The following NHSL1 variants were observed in gnomAD, a reference collection of about 807,000 sequenced individuals.
The protein encoded by NHSL1 is NHS like 1, also known as NHS-like protein 1.
A neutral mutation model predicts 95.0 loss-of-function variants in NHSL1; 48 were observed. That is an observed-to-expected ratio of 0.51 (90% confidence interval 0.40 to 0.64). NHSL1 has a LOEUF of 0.64. NHSL1 is among the 30% of genes least tolerant of loss of function. The probability of loss-of-function intolerance (pLI) is 0.00; values close to 1 mark genes in which losing one functional copy is unlikely to be tolerated. For synonymous variants in NHSL1, 783 were observed against 833.9 expected (o/e 0.94, Z 1.05); for missense variants, 1,971 against 2,077.7 (o/e 0.95, Z 1.00).
chr6:138,568,111 G>A (rs934408439), intron 1 of NHSL1, among the ~76,000 whole-genome samples: 5 of 152,160 alleles, frequency 3.3e-5, no homozygotes, highest in African/African-American at 1.2e-4. Context: ...AAAGCAGCAG[G>A]CACTCATTAA....
intron 1 of NHSL1, among the ~76,000 whole-genome samples, chr6:138,601,353 A>G (rs1350716428): frequency 6.6e-6 from 1 of 152,222 alleles, no homozygotes; most frequent in African/African-American, 2.4e-5. Context: ...ACTGCTGGCA[A>G]TCTGTTAGAA....
At chr6:138,448,024 T>C (rs1562280642) in intron 3 of NHSL1, among the ~76,000 whole-genome samples, 1 of 152,226 alleles carries the variant, frequency 6.6e-6, no homozygotes, top group Non-Finnish European at 1.5e-5. Context: ...GTGAAATTGT[T>C]AACTTATACG....
At chr6:138,455,293 A>G (rs1357743903) in intron 3 of NHSL1, among the ~76,000 whole-genome samples, 1 of 152,222 alleles carries the variant, frequency 6.6e-6, no homozygotes, top group East Asian at 1.9e-4. Context: ...GAGACCAAGT[A>G]GCACTTAAAA....
intron 1 of NHSL1, among the ~76,000 whole-genome samples, chr6:138,515,118 TCAC>T (rs1781405861): frequency 6.6e-6 from 1 of 152,064 alleles, no homozygotes; most frequent in African/African-American, 2.4e-5. Context: ...GTGAGAGAGT[TCAC>T]CACACTTCTC....
chr6:138,534,182 T>C (rs1353144345), intron 1 of NHSL1, among the ~76,000 whole-genome samples: 1 of 152,222 alleles, frequency 6.6e-6, no homozygotes, highest in African/African-American at 2.4e-5. Flanking sequence ...TTTGTTTTCA[T>C]AGAGAGTGAT....
chr6:138,464,243 G>A (rs536026826), intron 3 of NHSL1: 95 of 815,594 alleles, frequency 1.2e-4, no homozygotes, highest in East Asian at 7.1e-4. Context: ...CATCACGGCC[G>A]GCACCGTCCT....
At chr6:138,463,260 T>C (rs543247730) in intron 3 of NHSL1, among the ~76,000 whole-genome samples, 4 of 152,250 alleles carry the variant, frequency 2.6e-5, no homozygotes, top group Non-Finnish European at 5.9e-5. Context: ...CGTTAAATAA[T>C]CAATCAGATC....
chr6:138,625,593 A>C (rs1784726176), intron 1 of NHSL1, among the ~76,000 whole-genome samples: 1 of 151,602 alleles, frequency 6.6e-6, no homozygotes, highest in African/African-American at 2.4e-5. Context: ...GTATAGTGCC[A>C]TGAGTACAGT....
At chr6:138,673,030 G>GCTA (rs747768393) in intron 1 of NHSL1, among the ~76,000 whole-genome samples, 1,369 of 58,424 alleles carry the variant, frequency 0.023, 16 homozygotes, top group African/African-American at 0.096. Flanking sequence ...TAGATAGATA[G>GCTA]GTAGATAGAT....
chr6:138,448,013 T>C (rs995617845), intron 3 of NHSL1, among the ~76,000 whole-genome samples: 1 of 152,220 alleles, frequency 6.6e-6, no homozygotes, highest in Non-Finnish European at 1.5e-5. Context: ...AAAAAATCAG[T>C]GTGAAATTGT....
chr6:138,521,502 C>G (rs957919210), intron 1 of NHSL1, among the ~76,000 whole-genome samples: 1 of 152,110 alleles, frequency 6.6e-6, no homozygotes, highest in Non-Finnish European at 1.5e-5. Context: ...CCTCACCCCC[C>G]TGGAATATGC....
chr6:138,684,623 C>T lies in NHSL1; in HGVS notation c.96+7853G>A, dbSNP rs559145154. On this transcript the variant is annotated intron_variant, in intron 1 of 3. Transcript: ENST00000491526. Reference sequence around the variant, plus strand: ...TCGCGCCACTGCATTCTAGCCTGGGCAACAGAGTGAGACTCCGTCTCAGAA... The same window carrying T: ...TCGCGCCACTGCATTCTAGCCTGGGTAACAGAGTGAGACTCCGTCTCAGAA... Among the ~76,000 whole-genome samples the T allele has an allele frequency of 1.9e-3, 287 of 151,300 alleles. 1 individual carries two copies. Among genetic ancestry groups the T allele is most frequent in the African/African-American group, 6.7e-3 (277 of 41,120 alleles).
chr6:138,478,164 C>A (rs774037027), intron 2 of NHSL1, among the ~76,000 whole-genome samples: 1 of 151,848 alleles, frequency 6.6e-6, no homozygotes, highest in East Asian at 1.9e-4. Context: ...CAGGCATACA[C>A]CACCATGCCT....
intron 1 of NHSL1, among the ~76,000 whole-genome samples, chr6:138,639,851 CT>C (rs1784937407): frequency 7.0e-6 from 1 of 143,694 alleles, no homozygotes; most frequent in African/African-American, 2.6e-5. Context: ...TATAAATAAC[CT>C]TCTCATTCTT....
At position 138,564,896 on chromosome 6, in the gene NHSL1, C is replaced by T. The variant is rs1002269787; in HGVS notation, c.202+6814G>A. Among the ~76,000 whole-genome samples, 6 of 152,170 alleles carry T rather than the reference C, an allele frequency of 3.9e-5. No individual in the cohort carries two copies. The East Asian group carries it at 5.8e-4, about 15-fold the overall frequency. On this transcript the variant is annotated intron_variant, in intron 1 of 6. Transcript: ENST00000427025. The stretch of plus-strand genomic sequence containing the variant: ...GTAGGAGGTCAACAGGCAGGGGAGG[C>T]GACTCGAGCACCCTGGCACAGGGAA...
intron 3 of NHSL1, among the ~76,000 whole-genome samples, chr6:138,458,639 C>G (rs886553849): frequency 6.6e-6 from 1 of 151,902 alleles, no homozygotes; most frequent in African/African-American, 2.4e-5. Flanking sequence ...CCATCCTGGC[C>G]ACATGGTGAA....
chr6:138,547,653 G>A (rs1318555461), upstream of NHSL1, among the ~76,000 whole-genome samples: 2 of 152,234 alleles, frequency 1.3e-5, no homozygotes. Context: ...AAAGTTCTGG[G>A]ATTACAGGCG....
At chr6:138,472,935 TCAAA>T (rs1778844749) in intron 3 of NHSL1, among the ~76,000 whole-genome samples, 3 of 152,190 alleles carry the variant, frequency 2.0e-5, no homozygotes, top group Non-Finnish European at 4.4e-5. Flanking sequence ...ATATGAAAAC[TCAAA>T]CAAAAGAAAT....
At chr6:138,681,013 C>T (rs1785505070) in intron 1 of NHSL1, among the ~76,000 whole-genome samples, 1 of 152,166 alleles carries the variant, frequency 6.6e-6, no homozygotes, top group Non-Finnish European at 1.5e-5. Flanking sequence ...TAAGAGTTAA[C>T]AATTTATTCC....
Sources: gnomAD v4.1 joint callset for allele counts (sites outside exome capture counted in the v4.1 genomes callset) on GRCh38, gnomAD v4.1.1 for gene constraint, MANE v1.5 for transcripts, NCBI Gene and HGNC (gene_info 2026-07-23, HGNC 2026-07-21) for gene names.